Variants in KNTC1 observed in about 807,000 individuals in gnomAD.
The protein encoded by KNTC1 is kinetochore associated 1, also known as kinetochore-associated protein 1.
KNTC1 carries 253 observed loss-of-function variants against 314.4 expected under a neutral mutation model. The ratio of observed to expected loss-of-function variants is 0.80; its 90% CI spans 0.73 to 0.89. The LOEUF is 0.89. Ranked by LOEUF, KNTC1 falls within the 40% of genes least tolerant of loss-of-function variation. The pLI, the probability that KNTC1 is intolerant of heterozygous loss-of-function variation, is 0.00. For missense variants in KNTC1, 2,475 were observed against 2,572.9 expected (o/e 0.96, Z 0.82); for synonymous variants, 901 against 901.4 (o/e 1.00, Z 0.01).
Position 122,542,136 on chromosome 12 carries a change from T to C in KNTC1, c.523+9T>C, listed in dbSNP as rs1258914632. 9 of 1,420,832 alleles carry C rather than the reference T, an allele frequency of 6.3e-6. No individual in the cohort carries two copies. The highest frequency in any genetic ancestry group is 8.6e-6 in the Non-Finnish European group (9 of 1,045,828). The allele number at this position is 1,420,832 out of a possible 1,614,324, so 88.0% of individuals were successfully genotyped here. On this transcript the variant is annotated intron_variant, in intron 6 of 63. Coordinates refer to ENST00000333479, the MANE Select transcript of KNTC1 (RefSeq NM_014708.6). ...TTTAAAAATTCAACAAGGTAAGTAA[T>C]ACATTATATTTTTATTATTGATTTG...
At chr12:122,586,912 T>C (rs1353034662) in intron 38 of KNTC1, among the ~76,000 whole-genome samples, 155 bp downstream of exon 38, 5 of 152,126 alleles carry the variant, frequency 3.3e-5, no homozygotes, top group Non-Finnish European at 5.9e-5. Flanking sequence ...CCTCCCGGGC[T>C]CAAGCAGTTC....
intron 57 of KNTC1, among the ~76,000 whole-genome samples, chr12:122,616,496 T>C (rs1209760060): frequency 3.9e-5 from 6 of 152,106 alleles, no homozygotes. Context: ...CTCCTGACCT[T>C]GTGATCCGCC....
intron 44 of KNTC1, among the ~76,000 whole-genome samples, chr12:122,599,818 G>A (rs139120650): frequency 6.6e-6 from 1 of 152,166 alleles, no homozygotes; most frequent in East Asian, 1.9e-4. Context: ...TAAAAAATAG[G>A]CCAGCCTGGG....
intron 34 of KNTC1, among the ~76,000 whole-genome samples, chr12:122,583,193 C>T (rs1484501836): frequency 6.6e-6 from 1 of 152,030 alleles, no homozygotes; most frequent in Non-Finnish European, 1.5e-5. Flanking sequence ...TGCCTATAGT[C>T]CCAGCTACTG....
chr12:122,584,543 G>A, intron 35 of KNTC1, 93 bp downstream of exon 35: 2 of 857,278 alleles, frequency 2.3e-6, no homozygotes, highest in Non-Finnish European at 3.6e-6. Context: ...GGACATCACG[G>A]TAATCAGACT....
rs749261940 is a variant in KNTC1, at chr12:122,594,289, C to A, written c.4259C>A (p.Pro1420Gln). The A allele has an allele frequency of 1.3e-5, 20 of 1,598,214 alleles. No individual in the cohort carries two copies. Among genetic ancestry groups the A allele is most frequent in the Non-Finnish European group, 1.6e-5 (19 of 1,167,472 alleles). The change falls in exon 43 of 64, where the codon CCA (proline) becomes CAA (glutamine). Residue 1420 changes from proline (P) to glutamine (Q), a missense_variant. Pro to Gln is a moderately conservative substitution (Grantham distance 76, BLOSUM62 -1). Transcript: ENST00000333479. The part of the protein sequence containing the change: ...RLGKLGISFQ[P>Q]VFRQHFLTKK... ...TTTTATTTCTAGATTTCTTTTCAAC[C>A]AGTTTTCAGGCAACATTTTCTCACC...
chr12:122,585,043 CTT>C (rs111624734), intron 36 of KNTC1, 53 bp downstream of exon 36: 2,387 of 800,010 alleles, frequency 3.0e-3, no homozygotes, highest in East Asian at 4.2e-3. Context: ...CATTATGCAC[CTT>C]TTTTTTTTTT....
At chr12:122,570,981 C>G in intron 23 of KNTC1, 44 bp from the exon 24 acceptor site, 1 of 1,596,698 alleles carries the variant, frequency 6.3e-7, no homozygotes, top group Non-Finnish European at 8.6e-7. Flanking sequence ...ACACTCCCAA[C>G]AGCATAAAAC....
At chr12:122,578,489 C>A (rs1253048495) in intron 31 of KNTC1, among the ~76,000 whole-genome samples, 1 of 152,008 alleles carries the variant, frequency 6.6e-6, no homozygotes, top group Non-Finnish European at 1.5e-5. Flanking sequence ...GTGGCGCGAT[C>A]TTAACTCACT....
At chr12:122,598,952 G>A (rs907717541) in intron 44 of KNTC1, among the ~76,000 whole-genome samples, 1 of 151,614 alleles carries the variant, frequency 6.6e-6, no homozygotes, top group Admixed American at 6.6e-5. Flanking sequence ...TGGAACTGTA[G>A]GTGCATGCTG....
intron 42 of KNTC1, chr12:122,592,804 G>C (rs1489229464): frequency 6.6e-6 from 1 of 152,298 alleles, no homozygotes; most frequent in Non-Finnish European, 1.5e-5. Context: ...CAGGCTGCCC[G>C]AGTCAGCACT....
At chr12:122,575,379 C>T (rs1212501382) in intron 27 of KNTC1, among the ~76,000 whole-genome samples, 164 bp from the exon 28 acceptor site, 1 of 152,170 alleles carries the variant, frequency 6.6e-6, no homozygotes, top group Non-Finnish European at 1.5e-5. Flanking sequence ...AAATTGTTCT[C>T]TATATGTGAA....
intron 2 of KNTC1, 55 bp from the exon 3 acceptor site, chr12:122,534,606 GTAT>G (rs1961635058): frequency 2.0e-6 from 3 of 1,487,876 alleles, no homozygotes; most frequent in Admixed American, 4.0e-5. Context: ...CTATTGATAA[GTAT>G]TATTAAACAC....
At chr12:122,592,343 G>A (rs182507214) in intron 42 of KNTC1, among the ~76,000 whole-genome samples, 142 of 152,300 alleles carry the variant, frequency 9.3e-4, no homozygotes, top group African/African-American at 3.0e-3. Flanking sequence ...GAGCCTCCCC[G>A]ACAAATGCCG....
intron 61 of KNTC1, 48 bp from the exon 62 acceptor site, chr12:122,622,414 T>C: frequency 7.1e-7 from 1 of 1,410,612 alleles, no homozygotes; most frequent in African/African-American, 1.4e-5. Flanking sequence ...AGAAGTCTGA[T>C]TCTAATAGAT....
In KNTC1 at chr12:122,618,558, T is replaced by C. The variant is rs752600569; in HGVS notation, c.6149+13T>C. On this transcript the variant is annotated intron_variant, in intron 59 of 63. Transcript: ENST00000333479. ...TCGCTGTCCTCGAGTAAGCAAAATA[T>C]TTGTTCTACCAAAAAAAAAAAAAGT... 1.7e-5 allele frequency: 27 copies of C among 1,604,400 alleles called. No individual in the cohort carries two copies. Among genetic ancestry groups the C allele is most frequent in the Middle Eastern group, 1.6e-4 (1 of 6,066 alleles).
intron 59 of KNTC1, among the ~76,000 whole-genome samples, chr12:122,619,026 GTTTTGTT>G (rs373238724): frequency 0.084 from 12,569 of 150,222 alleles, 569 homozygotes; most frequent in Middle Eastern, 0.13. Context: ...AGCAACACTT[GTTTTGTT>G]TTTTGTTTTT....
chr12:122,534,669 A>G lies in KNTC1; in HGVS notation c.135A>G (p.Ser45=), dbSNP rs1281281839. ...CATGCTTTTCTCTCCCACAGGCCTC[A>G]TTAAATCCAAAGATACAGGCATGCA... The part of the protein sequence containing the change: ...LLVKISSEKA[S]LNPKIQACSL... The change falls in exon 3 of 64, where the codon TCA becomes TCG. Residue 45 remains serine (S), a synonymous_variant. Coordinates refer to ENST00000333479, the MANE Select transcript of KNTC1 (RefSeq NM_014708.6). 9 of 1,607,364 alleles carry G rather than the reference A, an allele frequency of 5.6e-6. No homozygotes were observed. Among genetic ancestry groups the G allele is most frequent in the Non-Finnish European group, 7.7e-6 (9 of 1,176,178 alleles).
At chr12:122,549,001 C>T (rs1198075148) in intron 12 of KNTC1, among the ~76,000 whole-genome samples, 1 of 152,154 alleles carries the variant, frequency 6.6e-6, no homozygotes, top group Non-Finnish European at 1.5e-5. Flanking sequence ...CATACGGTAA[C>T]AGACTTACTT....
Sources: gnomAD v4.1 joint callset for allele counts (sites outside exome capture counted in the v4.1 genomes callset) on GRCh38, gnomAD v4.1.1 for gene constraint, MANE v1.5 for transcripts, NCBI Gene and HGNC (gene_info 2026-07-23, HGNC 2026-07-21) for gene names.